EIF4G3: variants seen among roughly 807,000 people sequenced by gnomAD.
EIF4G3 encodes eIF-4-gamma 3.
In EIF4G3, 34 loss-of-function variants were observed where a neutral mutation model predicts 186.4. The observed-to-expected ratio is 0.18, with a 90% CI of 0.14 to 0.24. The LOEUF (loss-of-function observed/expected upper bound fraction) is 0.24. Ranked by LOEUF, EIF4G3 falls within the 10% of genes least tolerant of loss-of-function variation. The probability of loss-of-function intolerance (pLI) is 1.00; values close to 1 mark genes in which losing one functional copy is unlikely to be tolerated. For synonymous variants in EIF4G3, 673 were observed against 679.5 expected, an observed-to-expected ratio of 0.99 and a Z score of 0.15; for missense variants, 1,536 against 1,948.5, an observed-to-expected ratio of 0.79 and a Z score of 3.99.
chr1:20,905,935 A>G (rs936567938), intron 14 of EIF4G3, among the ~76,000 whole-genome samples: 1 of 152,232 alleles, frequency 6.6e-6, no homozygotes, highest in African/African-American at 2.4e-5. Flanking sequence ...ACTCTGGGAC[A>G]GTCTCATCTT....
chr1:20,952,855 A>ACCAG (rs1259932284), intron 12 of EIF4G3, among the ~76,000 whole-genome samples: 1 of 130,148 alleles, frequency 7.7e-6, no homozygotes, highest in Non-Finnish European at 1.7e-5. Context: ...CGTCTCGAAA[A>ACCAG]CAAGCAAACA....
At chr1:21,055,140 TGAA>T (rs2154577945) in intron 3 of EIF4G3, among the ~76,000 whole-genome samples, 1 of 152,274 alleles carries the variant, frequency 6.6e-6, no homozygotes, top group East Asian at 1.9e-4. Context: ...TAATCAGAAA[TGAA>T]GAGCTCTTAT....
At position 21,155,404 on chromosome 1, in the gene EIF4G3, C is replaced by G. The variant is rs546409751; in HGVS notation, c.-272+20771G>C. Among the ~76,000 whole-genome samples the G allele has an allele frequency of 4.9e-3, 739 of 152,154 alleles. 6 individuals carry two copies. The highest frequency in any genetic ancestry group is 0.017 in the African/African-American group (704 of 41,524). On this transcript the variant is annotated intron_variant, in intron 2 of 36. Transcript: ENST00000602326. ...AAGGATAGTAATGGAGTTTATCATG[C>G]TCTGTTCAATTCCTGATTAGCATAT...
In EIF4G3 at chr1:21,068,375, TAA is replaced by T. The variant is rs869306512; in HGVS notation, c.-195-17383_-195-17382del. Among the ~76,000 whole-genome samples the T allele has an allele frequency of 2.7e-3, 183 of 67,830 alleles. 1 individual carries two copies. The highest frequency in any genetic ancestry group is 7.0e-3 in the African/African-American group (143 of 20,454). The allele number at this position is 67,830 out of a possible 152,430, so 44.5% of individuals were successfully genotyped here. A position where few individuals can be genotyped will look rare whatever the true frequency, so the allele number is the denominator to read the frequency against. Reference sequence around the variant, plus strand: ...GGGCGACAGAGTGAAACTCTGTCTTTAAAAAAAAAAAAAAAAAAAAAAAAACA... The same window carrying T: ...GGGCGACAGAGTGAAACTCTGTCTTTAAAAAAAAAAAAAAAAAAAAAAACA... On this transcript the variant is annotated intron_variant, in intron 3 of 36. Coordinates refer to ENST00000602326, the MANE Select transcript of EIF4G3 (RefSeq NM_001391906.1).
chr1:21,005,628 A>T (rs1442227991), intron 4 of EIF4G3, among the ~76,000 whole-genome samples: 1 of 152,196 alleles, frequency 6.6e-6, no homozygotes, highest in Non-Finnish European at 1.5e-5. Context: ...AAGCCAAATA[A>T]GGGAACATAG....
chr1:21,004,980 T>C (rs889609210), intron 4 of EIF4G3, among the ~76,000 whole-genome samples: 1 of 152,074 alleles, frequency 6.6e-6, no homozygotes, highest in Non-Finnish European at 1.5e-5. Context: ...CCTAAAAATA[T>C]GGCAGCAAAG....
chr1:21,116,614 C>T (rs528715207), intron 2 of EIF4G3, among the ~76,000 whole-genome samples: 2 of 151,858 alleles, frequency 1.3e-5, no homozygotes, highest in South Asian at 2.1e-4. Flanking sequence ...GAGGGGGGTG[C>T]GGATCACAGG....
chr1:20,886,551 T>C (rs1231402132), intron 18 of EIF4G3, among the ~76,000 whole-genome samples, 180 bp from the exon 19 acceptor site: 1 of 152,200 alleles, frequency 6.6e-6, no homozygotes, highest in Non-Finnish European at 1.5e-5. Flanking sequence ...ATACCATCAA[T>C]GTAATGTTCT....
intron 7 of EIF4G3, among the ~76,000 whole-genome samples, chr1:20,987,037 T>TA (rs1399352904): frequency 2.6e-5 from 4 of 152,156 alleles, no homozygotes; most frequent in Non-Finnish European, 5.9e-5. Context: ...TTAGCATACT[T>TA]ATAATTGCTT....
chr1:21,156,514 T>G (rs1281807198), intron 2 of EIF4G3, among the ~76,000 whole-genome samples: 1 of 152,246 alleles, frequency 6.6e-6, no homozygotes, highest in African/African-American at 2.4e-5. Flanking sequence ...TTCACTCATT[T>G]CAAATCCAAC....
rs529630789 is a variant in EIF4G3 at position 21,104,051 on chromosome 1, G to A, written c.-271-14838C>T. On this transcript the variant is annotated intron_variant, in intron 2 of 36. Transcript: ENST00000602326. ...GCTCCTCAATTATAAAATGGTGATA[G>A]CAAAAACAGCCATAAATTGCTCTGA... 1.3e-3 allele frequency among the ~76,000 whole-genome samples: 191 copies of A among 152,176 alleles called. 1 individual carries two copies. The highest frequency in any genetic ancestry group is 4.4e-3 in the African/African-American group (181 of 41,520).
intron 2 of EIF4G3, among the ~76,000 whole-genome samples, chr1:21,124,835 C>A (rs563267900): frequency 6.6e-6 from 1 of 152,166 alleles, no homozygotes; most frequent in South Asian, 2.1e-4. Flanking sequence ...AAAGCAAATA[C>A]TAAGGAAAAA....
intron 6 of EIF4G3, 36 bp from the exon 7 acceptor site, chr1:20,997,669 G>T: frequency 6.6e-7 from 1 of 1,505,814 alleles, no homozygotes. Context: ...CAAAAGGAAA[G>T]GCACAAAGAG....
At chr1:20,831,915 A>G (rs1195856174) in intron 30 of EIF4G3, among the ~76,000 whole-genome samples, 1 of 140,976 alleles carries the variant, frequency 7.1e-6, no homozygotes, top group African/African-American at 2.6e-5. Context: ...AATTTCATCC[A>G]TGTCCCTACA....
intron 35 of EIF4G3, among the ~76,000 whole-genome samples, chr1:20,811,253 C>A (rs1422039978): frequency 6.6e-6 from 1 of 151,246 alleles, no homozygotes; most frequent in African/African-American, 2.4e-5. Flanking sequence ...TGCTCCTGGC[C>A]TTTCTTCTTC....
At chr1:20,877,953 C>G (rs950809268) in intron 20 of EIF4G3, among the ~76,000 whole-genome samples, 4 of 152,184 alleles carry the variant, frequency 2.6e-5, no homozygotes, top group African/African-American at 9.7e-5. Flanking sequence ...AAGTGATTCT[C>G]CTGCCTCAGC....
In EIF4G3 at chr1:20,891,471, G is replaced by GAA. The variant is rs34367224; in HGVS notation, c.2253+2044_2253+2045dup. On this transcript the variant is annotated intron_variant, in intron 18 of 36. Transcript: ENST00000602326. ...CAACATTAAAAAGGGAAATAATACT[G>GAA]AAAAAAAAGGTATAAAATGGGCCGG... 4.0e-5 allele frequency among the ~76,000 whole-genome samples: 6 copies of GAA among 151,344 alleles called. 1 individual carries two copies. Among genetic ancestry groups the GAA allele is most frequent in the African/African-American group, 1.5e-4 (6 of 41,226 alleles).
chr1:21,146,577 T>C (rs935762699), intron 2 of EIF4G3, among the ~76,000 whole-genome samples: 1 of 151,300 alleles, frequency 6.6e-6, no homozygotes, highest in African/African-American at 2.4e-5. Flanking sequence ...CCTAGCAACA[T>C]GGCCAGTCTC....
chr1:20,949,893 G>C (rs2096129393), intron 13 of EIF4G3, 110 bp downstream of exon 13: 1 of 872,612 alleles, frequency 1.1e-6, no homozygotes, highest in East Asian at 2.8e-5. Flanking sequence ...TTAAAGGTGG[G>C]TGTCTAAATA....
Sources: gnomAD v4.1 joint callset for allele counts (sites outside exome capture counted in the v4.1 genomes callset) on GRCh38, gnomAD v4.1.1 for gene constraint, MANE v1.5 for transcripts, NCBI Gene and HGNC (gene_info 2026-07-23, HGNC 2026-07-21) for gene names.